SLC9B2: variants seen among roughly 807,000 people sequenced by gnomAD.
SLC9B2 encodes sodium/hydrogen exchanger 9B2.
Under a neutral mutation model 52.2 loss-of-function variants are expected in SLC9B2, and 39 were observed. The ratio of observed to expected loss-of-function variants is 0.75; its 90% CI spans 0.58 to 0.98. SLC9B2 has a LOEUF of 0.98. Among genes scored for constraint, SLC9B2 ranks in the 50% least tolerant of loss-of-function variants. The probability of loss-of-function intolerance (pLI) is 0.00; values close to 1 mark genes in which losing one functional copy is unlikely to be tolerated. For synonymous variants in SLC9B2, 214 were observed against 227.0 expected, an observed-to-expected ratio of 0.94 and a Z score of 0.51; for missense variants, 626 against 637.5, an observed-to-expected ratio of 0.98 and a Z score of 0.19.
At chr4:103,036,078 A>G (rs1743146254) in intron 9 of SLC9B2, among the ~76,000 whole-genome samples, 1 of 152,208 alleles carries the variant, frequency 6.6e-6, no homozygotes, top group Admixed American at 6.6e-5. Context: ...GAGAACACAG[A>G]AATAAAGCTG....
At chr4:103,049,621 A>G (rs1332190381) in intron 5 of SLC9B2, among the ~76,000 whole-genome samples, 2 of 152,178 alleles carry the variant, frequency 1.3e-5, no homozygotes, top group African/African-American at 4.8e-5. Flanking sequence ...CCCTGTGAGC[A>G]TTATTTATAA....
chr4:103,041,855 G>A (rs546775928), intron 9 of SLC9B2, among the ~76,000 whole-genome samples: 16 of 152,182 alleles, frequency 1.1e-4, no homozygotes, highest in Admixed American at 4.6e-4. Context: ...CCTTGGACAT[G>A]TTATTTAAGT....
At chr4:103,065,231 A>AT (rs1356038520) in intron 3 of SLC9B2, among the ~76,000 whole-genome samples, 6 of 151,610 alleles carry the variant, frequency 4.0e-5, no homozygotes, top group Non-Finnish European at 7.4e-5. Flanking sequence ...ATATTGGGTG[A>AT]TATATATTGG....
chr4:103,049,041 T>C, intron 5 of SLC9B2, 21 bp from the exon 6 acceptor site: 1 of 1,611,046 alleles, frequency 6.2e-7, no homozygotes, highest in Non-Finnish European at 8.5e-7. Context: ...AAAGTAGACA[T>C]CCTAATATAA....
chr4:103,047,759 G>A (rs921397598), intron 6 of SLC9B2, among the ~76,000 whole-genome samples: 1 of 152,074 alleles, frequency 6.6e-6, no homozygotes, highest in Non-Finnish European at 1.5e-5. Context: ...ATTCCATGGT[G>A]TATATGTGCC....
intron 8 of SLC9B2, among the ~76,000 whole-genome samples, chr4:103,043,699 C>A (rs980421603): frequency 1.3e-5 from 2 of 152,122 alleles, no homozygotes; most frequent in African/African-American, 4.8e-5. Flanking sequence ...TTTCACAGCA[C>A]TTAATGAAGT....
chr4:103,026,505 C>T lies in SLC9B2; in HGVS notation c.1479G>A (p.Val493=), dbSNP rs1294747199. ...CTGTGATGAGGATGGACAAAAATGC[C>T]ACTGTCAACACATCCATTCCATAGT... The part of the protein sequence containing the change: ...LEDYGMDVLT[V]AFLSILITAP... Residue 493 remains valine (V), a synonymous_variant, in exon 12 of 12, where the codon GTG becomes GTA. Transcript: ENST00000394785. The T allele has an allele frequency of 6.2e-7, 1 of 1,613,796 alleles. No homozygotes were observed. Among genetic ancestry groups the T allele is most frequent in the African/African-American group, 1.3e-5 (1 of 74,886 alleles).
Position 103,030,209 on chromosome 4 carries a change from T to C in SLC9B2, c.1256-1326A>G, listed in dbSNP as rs142786344. 5.1e-3 allele frequency among the ~76,000 whole-genome samples: 780 copies of C among 152,248 alleles called. 8 individuals are homozygous for C. Among genetic ancestry groups the C allele is most frequent in the African/African-American group, 0.018 (741 of 41,536 alleles). ...TTTAGAGATAAATAGTTTGGAATTA[T>C]ACAGTTTATAGTTGATGTCACTAGT... On this transcript the variant is annotated intron_variant, in intron 10 of 11. Transcript: ENST00000394785.
At chr4:103,068,130 C>T (rs1049603496) in intron 1 of SLC9B2, among the ~76,000 whole-genome samples, 1 of 152,186 alleles carries the variant, frequency 6.6e-6, no homozygotes, top group Non-Finnish European at 1.5e-5. Context: ...ATGGTAGTCA[C>T]TTTTTAGTCA....
chr4:103,055,425 A>G (rs1407925877), intron 4 of SLC9B2, among the ~76,000 whole-genome samples: 1 of 152,348 alleles, frequency 6.6e-6, no homozygotes, highest in South Asian at 2.1e-4. Flanking sequence ...ACAATAATAC[A>G]ATTAATAACT....
chr4:103,053,446 C>T (rs1744861742), intron 4 of SLC9B2, among the ~76,000 whole-genome samples: 2 of 152,124 alleles, frequency 1.3e-5, no homozygotes, highest in Admixed American at 1.3e-4. Context: ...TTTCAGTTAC[C>T]TTAGGAGATT....
At chr4:103,050,570 AAGAT>A (rs1252861915) in intron 4 of SLC9B2, among the ~76,000 whole-genome samples, 188 bp from the exon 5 acceptor site, 3 of 152,382 alleles carry the variant, frequency 2.0e-5, no homozygotes, top group Non-Finnish European at 4.4e-5. Flanking sequence ...TACAGATAAA[AAGAT>A]AGATTATAAT....
intron 1 of SLC9B2, among the ~76,000 whole-genome samples, chr4:103,072,937 G>A (rs559037658): frequency 6.2e-4 from 95 of 152,024 alleles, no homozygotes; most frequent in African/African-American, 1.8e-3. Context: ...TGGGACTAGT[G>A]CTCTTATAAA....
intron 9 of SLC9B2, among the ~76,000 whole-genome samples, chr4:103,033,303 C>T (rs1234073343): frequency 1.3e-5 from 2 of 151,838 alleles, no homozygotes; most frequent in African/African-American, 4.8e-5. Flanking sequence ...GGCAATGAAC[C>T]CAGAGACAGC....
In SLC9B2 at chr4:103,024,310, G is replaced by T. The variant is rs1742027658; in HGVS notation, c.*2060C>A. Among the ~76,000 whole-genome samples the T allele has an allele frequency of 6.6e-6, 1 of 152,096 alleles. No homozygotes were observed. Among genetic ancestry groups the T allele is most frequent in the African/African-American group, 2.4e-5 (1 of 41,396 alleles). ...GGACCAGATGATCATTAAGTTTATG[G>T]TGCTCCCAGCAAAGTGCACCTAACC... On this transcript the variant is annotated 3_prime_UTR_variant, in exon 12 of 12. Transcript: ENST00000394785.
downstream of SLC9B2, among the ~76,000 whole-genome samples, chr4:103,019,433 T>A (rs1180766135): frequency 2.0e-5 from 3 of 152,030 alleles, no homozygotes; most frequent in Non-Finnish European, 4.4e-5. Flanking sequence ...GGAGAGACAA[T>A]GTCTGTGGCT....
intron 1 of SLC9B2, among the ~76,000 whole-genome samples, chr4:103,069,623 G>A (rs986517184): frequency 6.6e-6 from 1 of 152,128 alleles, no homozygotes; most frequent in Non-Finnish European, 1.5e-5. Context: ...CCTCAACCTT[G>A]AAGAATTTAC....
rs951273225 is a variant in SLC9B2, at chr4:103,025,839, G to A, written c.*531C>T. The A allele has an allele frequency of 6.6e-5, 10 of 152,208 alleles. No homozygotes were observed. Among genetic ancestry groups the A allele is most frequent in the Non-Finnish European group, 1.5e-4 (10 of 68,102 alleles). The allele number at this position is 152,208 out of a possible 1,614,324, so 9.4% of individuals were successfully genotyped here. ...TTTAAAATTTTGGTGGGACCAATCA[G>A]TTACAGTAATTCAAAGAAAGGTAGT... On this transcript the variant is annotated 3_prime_UTR_variant, in exon 12 of 12. Coordinates refer to ENST00000394785, the MANE Select transcript of SLC9B2 (RefSeq NM_178833.7).
chr4:103,063,475 T>C (rs1745843986), intron 3 of SLC9B2, among the ~76,000 whole-genome samples: 1 of 152,208 alleles, frequency 6.6e-6, no homozygotes, highest in Admixed American at 6.5e-5. Flanking sequence ...TCAGTAAACA[T>C]ATGTGGGCAT....
Sources: allele counts gnomAD v4.1 joint callset (sites outside exome capture counted in the v4.1 genomes callset), GRCh38; gene constraint gnomAD v4.1.1; transcripts MANE v1.5; gene names NCBI Gene and HGNC (gene_info 2026-07-23, HGNC 2026-07-21).